CLSTN1: variants seen among roughly 807,000 people sequenced by gnomAD.
The protein encoded by CLSTN1 is calsyntenin-1.
Under a neutral mutation model 108.3 loss-of-function variants are expected in CLSTN1, and 28 were observed. The ratio of observed to expected loss-of-function variants is 0.26; its 90% CI spans 0.19 to 0.35. The LOEUF (loss-of-function observed/expected upper bound fraction) is 0.35, where lower values mean the gene tolerates loss of function less well. Among genes scored for constraint, CLSTN1 ranks in the 10% least tolerant of loss-of-function variants. CLSTN1 has a pLI of 1.00. For missense variants in CLSTN1, 1,157 were observed against 1,302.6 expected, an observed-to-expected ratio of 0.89 and a Z score of 1.72; for synonymous variants, 524 against 534.9, an observed-to-expected ratio of 0.98 and a Z score of 0.28.
At position 9,730,404 on chromosome 1, in the gene CLSTN1, C is replaced by T. The variant is rs899639754; in HGVS notation, c.*104G>A. 3 of 1,094,884 alleles carry T rather than the reference C, an allele frequency of 2.7e-6. No individual in the cohort carries two copies. Among genetic ancestry groups the T allele is most frequent in the Non-Finnish European group, 2.7e-6 (2 of 735,626 alleles). The allele number at this position is 1,094,884 out of a possible 1,614,324, so 67.8% of individuals were successfully genotyped here. The stretch of plus-strand genomic sequence containing the variant: ...ATCGTGGCGGGGAGGGGTCTGCACA[C>T]CTACTGGCCGAAATGACTTTGTACA... On this transcript the variant is annotated 3_prime_UTR_variant, in exon 19 of 19. Transcript: ENST00000377298. This position sits in a 1 kb window ranked among gnomAD's most constrained non-coding sequence, Gnocchi z 5.6.
At chr1:9,748,859 C>T (rs1651412155) in intron 7 of CLSTN1, among the ~76,000 whole-genome samples, 1 of 152,076 alleles carries the variant, frequency 6.6e-6, no homozygotes, top group Non-Finnish European at 1.5e-5. Flanking sequence ...TATAGAAGCC[C>T]TTTTTGGATG....
chr1:9,823,742 C>A lies in CLSTN1; in HGVS notation c.-9G>T. 1 of 1,047,118 alleles carries A rather than the reference C, an allele frequency of 9.6e-7. No individual in the cohort carries two copies. Among genetic ancestry groups the A allele is most frequent in the Non-Finnish European group, 1.1e-6 (1 of 871,242 alleles). 64.9% of individuals were successfully genotyped at this position (1,047,118 alleles called of 1,614,324 possible). A position where few individuals can be genotyped will look rare whatever the true frequency, so the allele number is the denominator to read the frequency against. ...GCGGGGCGGCGCAGCATCGCCAGCC[C>A]GGGGCGGGAGCGGCAGGGAGGCGCG... is the stretch of plus-strand genomic sequence containing the variant. On this transcript the variant is annotated 5_prime_UTR_variant, in exon 1 of 19. Coordinates refer to ENST00000377298, the MANE Select transcript of CLSTN1 (RefSeq NM_001009566.3). The surrounding 1 kb of genome is among the most constrained non-coding windows in gnomAD (Gnocchi z 6.3).
At chr1:9,776,635 A>G (rs1163230567) in intron 1 of CLSTN1, among the ~76,000 whole-genome samples, 1 of 152,122 alleles carries the variant, frequency 6.6e-6, no homozygotes, top group African/African-American at 2.4e-5. Context: ...CCCGGCACTT[A>G]CTCGGCAGCC....
In CLSTN1 at chr1:9,733,552, G is replaced by A. The variant is rs1297946073; in HGVS notation, c.2282-6C>T. Reference sequence around the variant, plus strand: ...GCTGGCCATGGTGTCCACGCCTGCAGGGGTTGAAAGGGGGAAGATTGCCGG... The same window carrying A: ...GCTGGCCATGGTGTCCACGCCTGCAAGGGTTGAAAGGGGGAAGATTGCCGG... On this transcript the variant is annotated splice_region_variant and splice_polypyrimidine_tract_variant and intron_variant, in intron 15 of 18. Transcript: ENST00000377298. The A allele has an allele frequency of 4.3e-6, 7 of 1,613,662 alleles. No individual in the cohort carries two copies. The highest frequency in any genetic ancestry group is 5.9e-6 in the Non-Finnish European group (7 of 1,179,878).
intron 1 of CLSTN1, chr1:9,781,186 G>A (rs1653224889): frequency 1.3e-6 from 1 of 795,190 alleles, no homozygotes; most frequent in South Asian, 1.4e-5. Flanking sequence ...CAGTTATTAA[G>A]GAGCTTCGCA....
chr1:9,767,709 C>CAAATCAATCTAAGATGAAAATA (rs1652414439), intron 2 of CLSTN1, among the ~76,000 whole-genome samples: 1 of 152,044 alleles, frequency 6.6e-6, no homozygotes, highest in Admixed American at 6.6e-5. Flanking sequence ...TGTCATCACC[C>CAAATCAATCTAAGATGAAAATA]AAATCAATCT....
In CLSTN1 at chr1:9,735,935, T is replaced by TGCA; in HGVS notation, c.1681_1683dup (p.Cys561dup). 6.2e-7 allele frequency: 1 copy of TGCA among 1,614,164 alleles called. No individual in the cohort carries two copies. Among genetic ancestry groups the TGCA allele is most frequent in the Non-Finnish European group, 8.5e-7 (1 of 1,180,030 alleles). Reference sequence around the variant, plus strand: ...AGGACCTGCAGGTCCAGCCCCTCCTTGCAGGTATACAGACAGTCGATCACC... The same window carrying TGCA: ...AGGACCTGCAGGTCCAGCCCCTCCTTGCAGCAGGTATACAGACAGTCGATCACC... On this transcript the variant is annotated inframe_insertion, in exon 12 of 19. Transcript: ENST00000377298.
At position 9,783,305 on chromosome 1, in the gene CLSTN1, G is replaced by A. The variant is rs151274291; in HGVS notation, c.92-9911C>T. On this transcript the variant is annotated intron_variant, in intron 1 of 18. Coordinates refer to ENST00000377298, the MANE Select transcript of CLSTN1 (RefSeq NM_001009566.3). ...AGAAATCCACGGTTTCCAGCCAGGC[G>A]CAGTGGCTCACACCCATAATCCCAA... 2.6e-5 allele frequency among the ~76,000 whole-genome samples: 4 copies of A among 152,118 alleles called. No individual in the cohort carries two copies. The South Asian group carries it at 6.2e-4, about 24-fold the overall frequency.
At chr1:9,763,317 G>T (rs532978636) in intron 2 of CLSTN1, among the ~76,000 whole-genome samples, 1 of 152,140 alleles carries the variant, frequency 6.6e-6, no homozygotes, top group Non-Finnish European at 1.5e-5. Context: ...TTACGCTCTC[G>T]CAAGTTCCTC....
intron 1 of CLSTN1, among the ~76,000 whole-genome samples, chr1:9,811,051 CAGAAAAAGTCT>C: frequency 6.6e-6 from 1 of 152,252 alleles, no homozygotes; most frequent in African/African-American, 2.4e-5. Context: ...TAAGAACACT[CAGAAAAAGTCT>C]AGAAAAAGAC....
chr1:9,791,912 G>A (rs1272164989), intron 1 of CLSTN1, among the ~76,000 whole-genome samples: 3 of 151,210 alleles, frequency 2.0e-5, no homozygotes, highest in African/African-American at 4.8e-5. Flanking sequence ...ACTTTGGGAG[G>A]CTGAGGCGGG....
chr1:9,768,653 T>A (rs1570470524), intron 2 of CLSTN1, among the ~76,000 whole-genome samples: 1 of 58,896 alleles, frequency 1.7e-5, no homozygotes, highest in African/African-American at 6.9e-5. Context: ...CTGTGTTGGG[T>A]GGTATCATGG....
chr1:9,734,011 T>C lies in CLSTN1; in HGVS notation c.2242A>G (p.Ile748Val), dbSNP rs747464837. ...VDMARLQQKG[I>V]EVSSSELGMT... ...CCCAGTTCAGAGCTGCTCACTTCAATGCCCTTCTGCTGCAGGCGGGCCATG... is the reference window on the plus strand; with the variant it reads ...CCCAGTTCAGAGCTGCTCACTTCAACGCCCTTCTGCTGCAGGCGGGCCATG... The change falls in exon 15 of 19, where the codon ATT becomes GTT. Residue 748 changes from isoleucine (I) to valine (V), a missense_variant. Coordinates refer to ENST00000377298, the MANE Select transcript of CLSTN1 (RefSeq NM_001009566.3). The surrounding 1 kb of genome is among the most constrained non-coding windows in gnomAD (Gnocchi z 4.8). 1 of 1,614,188 alleles carries C rather than the reference T, an allele frequency of 6.2e-7. No homozygotes were observed. Among genetic ancestry groups the C allele is most frequent in the South Asian group, 1.1e-5 (1 of 91,078 alleles).
chr1:9,750,053 A>C, intron 5 of CLSTN1, 140 bp from the exon 6 acceptor site: 7 of 667,932 alleles, frequency 1.0e-5, no homozygotes, highest in Non-Finnish European at 1.5e-5. Flanking sequence ...TGGGATGCTT[A>C]ACCCTCAACC....
At chr1:9,796,296 A>C (rs1653997541) in intron 1 of CLSTN1, among the ~76,000 whole-genome samples, 1 of 134,122 alleles carries the variant, frequency 7.5e-6, no homozygotes, top group Non-Finnish European at 1.6e-5. Flanking sequence ...AAAACAAAAC[A>C]AAAAAAAAAA....
intron 1 of CLSTN1, chr1:9,781,059 T>C: frequency 1.6e-6 from 1 of 624,694 alleles, no homozygotes; most frequent in Non-Finnish European, 2.9e-6. Context: ...GTATCCAACC[T>C]GTACTAATCA....
At chr1:9,780,689 G>A (rs1323757832) in intron 1 of CLSTN1, 1 of 152,600 alleles carries the variant, frequency 6.6e-6, no homozygotes, top group Non-Finnish European at 1.5e-5. Context: ...CGATGTTTCT[G>A]TCATCATCAC....
At chr1:9,791,938 C>T (rs1218008041) in intron 1 of CLSTN1, among the ~76,000 whole-genome samples, 2 of 151,124 alleles carry the variant, frequency 1.3e-5, no homozygotes, top group Non-Finnish European at 2.9e-5. Flanking sequence ...CACCTGAGGT[C>T]AGGAGTTCCA....
intron 1 of CLSTN1, among the ~76,000 whole-genome samples, chr1:9,791,871 G>A (rs1039109689): frequency 3.3e-5 from 5 of 151,138 alleles, no homozygotes; most frequent in South Asian, 2.2e-4. Context: ...ATTTCTGGCC[G>A]GGCCCAGTGG....
Sources: allele counts gnomAD v4.1 joint callset (sites outside exome capture counted in the v4.1 genomes callset), GRCh38; gene constraint gnomAD v4.1.1; non-coding constraint Gnocchi (gnomAD v3.1); transcripts MANE v1.5; gene names NCBI Gene and HGNC (gene_info 2026-07-23, HGNC 2026-07-21).